RCHY1: variants seen among roughly 807,000 people sequenced by gnomAD.
The protein encoded by RCHY1 is RING finger and CHY zinc finger domain-containing protein 1.
Under a neutral mutation model 41.6 loss-of-function variants are expected in RCHY1, and 21 were observed. The observed-to-expected ratio is 0.51, with a 90% CI of 0.36 to 0.73. The LOEUF is 0.73. Among genes scored for constraint, RCHY1 ranks in the 30% least tolerant of loss-of-function variants. RCHY1 has a pLI of 0.00. For missense variants in RCHY1, 265 were observed against 325.3 expected, an observed-to-expected ratio of 0.81 and a Z score of 1.43; for synonymous variants, 79 against 102.9, an observed-to-expected ratio of 0.77 and a Z score of 1.41.
chr4:75,482,688 TTAAG>T (rs1338772514), intron 8 of RCHY1, 22 bp from the exon 9 acceptor site: 7 of 1,560,934 alleles, frequency 4.5e-6, no homozygotes, highest in African/African-American at 1.4e-5. Context: ...TTAATTCAAA[TTAAG>T]TATTTTAAAC....
In RCHY1 at chr4:75,481,398, T is replaced by C. The variant is rs900226593; in HGVS notation, c.*1140A>G. 6.6e-6 allele frequency: 1 copy of C among 152,210 alleles called. No homozygotes were observed. The highest frequency in any genetic ancestry group is 1.5e-5 in the Non-Finnish European group (1 of 68,036). The allele number at this position is 152,210 out of a possible 1,614,324, so 9.4% of individuals were successfully genotyped here. On this transcript the variant is annotated 3_prime_UTR_variant, in exon 9 of 9. Coordinates refer to ENST00000324439, the MANE Select transcript of RCHY1 (RefSeq NM_015436.4). ...CCTAATGGTAAAGCTATTACGGAGATAACAGTGTCAAAGTCGGCTGGATCA... is the reference window on the plus strand; with the variant it reads ...CCTAATGGTAAAGCTATTACGGAGACAACAGTGTCAAAGTCGGCTGGATCA...
intron 3 of RCHY1, among the ~76,000 whole-genome samples, chr4:75,507,087 A>G (rs545806041): frequency 6.6e-6 from 1 of 152,100 alleles, no homozygotes; most frequent in Non-Finnish European, 1.5e-5. Context: ...AGACAAAAAA[A>G]ACTGAGAGAA....
rs1578199174 is a variant in RCHY1 at position 75,482,239 on chromosome 4, A to C, written c.*299T>G. The C allele has an allele frequency of 1.1e-5, 2 of 187,696 alleles. No homozygotes were observed. Among genetic ancestry groups the C allele is most frequent in the East Asian group, 2.6e-4 (2 of 7,826 alleles). 11.6% of individuals were successfully genotyped at this position (187,696 alleles called of 1,614,324 possible). A position where few individuals can be genotyped will look rare whatever the true frequency, so the allele number is the denominator to read the frequency against. The stretch of plus-strand genomic sequence containing the variant: ...TGTCACTTAAAGCAAAGCTTCATGA[A>C]AATATAATACACTTCTATGAATGTA... On this transcript the variant is annotated 3_prime_UTR_variant, in exon 9 of 9. Transcript: ENST00000324439.
rs11422865 is a variant in RCHY1, at chr4:75,490,493, AT to A, written c.657+87del. ...ATCTGTGTCAAACCAGTATATATAT[AT>A]TTTTTTTTTGGCAAATTCAAGCAGG... On this transcript the variant is annotated intron_variant, in intron 8 of 8. Coordinates refer to ENST00000324439, the MANE Select transcript of RCHY1 (RefSeq NM_015436.4). The A allele has an allele frequency of 6.3e-3, 5,249 of 830,478 alleles. 2 individuals are homozygous for A. Among genetic ancestry groups the A allele is most frequent in the South Asian group, 7.8e-3 (381 of 48,726 alleles). 51.4% of individuals were successfully genotyped at this position (830,478 alleles called of 1,614,324 possible).
rs1721392240 is a variant in RCHY1 at position 75,479,927 on chromosome 4, G to C, written c.*2611C>G. 6.6e-6 allele frequency: 1 copy of C among 152,094 alleles called. No homozygotes were observed. The highest frequency in any genetic ancestry group is 2.4e-5 in the African/African-American group (1 of 41,404). 9.4% of individuals were successfully genotyped at this position (152,094 alleles called of 1,614,324 possible). On this transcript the variant is annotated 3_prime_UTR_variant, in exon 9 of 9. Transcript: ENST00000324439. The stretch of plus-strand genomic sequence containing the variant: ...GTAGTTCTCTCTGAAAGAAGGGATT[G>C]TTGAGAGTTTTTTACCTTCTTTCTT...
At chr4:75,496,861 G>T (rs925573669) in intron 3 of RCHY1, among the ~76,000 whole-genome samples, 1 of 151,976 alleles carries the variant, frequency 6.6e-6, no homozygotes, top group African/African-American at 2.4e-5. Flanking sequence ...CAAAGAGGCA[G>T]AAAAACACAA....
intron 8 of RCHY1, 144 bp from the exon 9 acceptor site, chr4:75,482,810 T>A (rs928186133): frequency 1.9e-6 from 1 of 525,316 alleles, no homozygotes; most frequent in Non-Finnish European, 2.9e-6. Flanking sequence ...AAATTTCTTC[T>A]TATTTTTTCA....
chr4:75,487,078 AT>A (rs1280344672), intron 8 of RCHY1, among the ~76,000 whole-genome samples: 37 of 152,282 alleles, frequency 2.4e-4, no homozygotes, highest in African/African-American at 8.2e-4. Flanking sequence ...AAAAGAAAGA[AT>A]TTTAAAAGTT....
rs116406288 is a variant in RCHY1 at position 75,503,058 on chromosome 4, C to T, written c.326+5762G>A. ...ACCATTCTAGACTGAAGGTTCTCCACCTAGGCAATATTTACATTTTGAACC... is the reference window on the plus strand; with the variant it reads ...ACCATTCTAGACTGAAGGTTCTCCATCTAGGCAATATTTACATTTTGAACC... On this transcript the variant is annotated intron_variant, in intron 3 of 8. Transcript: ENST00000324439. 3.9e-3 allele frequency among the ~76,000 whole-genome samples: 599 copies of T among 152,186 alleles called. 8 individuals are homozygous for T. The highest frequency in any genetic ancestry group is 5.8e-3 in the Non-Finnish European group (391 of 67,986).
intron 3 of RCHY1, among the ~76,000 whole-genome samples, chr4:75,495,877 A>C (rs1176885782): frequency 6.6e-6 from 1 of 152,042 alleles, no homozygotes; most frequent in Non-Finnish European, 1.5e-5. Context: ...CCATAAATTC[A>C]TATGTATAAA....
intron 8 of RCHY1, among the ~76,000 whole-genome samples, chr4:75,485,418 A>C (rs566927233): frequency 6.6e-6 from 1 of 152,336 alleles, no homozygotes; most frequent in East Asian, 1.9e-4. Context: ...ATTTATATCT[A>C]TAAAGGAAAT....
chr4:75,487,680 A>AATATATATTC (rs1722274624), intron 8 of RCHY1, among the ~76,000 whole-genome samples: 3 of 42,686 alleles, frequency 7.0e-5, no homozygotes, highest in African/African-American at 3.3e-4. Flanking sequence ...ATATATTCAT[A>AATATATATTC]ATATATATAT....
At chr4:75,496,263 T>G (rs973401935) in intron 3 of RCHY1, among the ~76,000 whole-genome samples, 2 of 152,048 alleles carry the variant, frequency 1.3e-5, no homozygotes, top group African/African-American at 4.8e-5. Flanking sequence ...AGAAACAAAG[T>G]AAGTGAGCCC....
intron 1 of RCHY1, chr4:75,509,532 A>G: frequency 2.6e-6 from 1 of 390,102 alleles, no homozygotes; most frequent in Non-Finnish European, 4.7e-6. Context: ...CTTTAAAACA[A>G]AAGAATTATG....
At chr4:75,494,922 C>T (rs1319147761) in intron 3 of RCHY1, among the ~76,000 whole-genome samples, 1 of 151,894 alleles carries the variant, frequency 6.6e-6, no homozygotes, top group African/African-American at 2.4e-5. Context: ...GAGACAGGGA[C>T]TGTACATTAA....
intron 8 of RCHY1, among the ~76,000 whole-genome samples, chr4:75,483,120 G>A (rs1243656517): frequency 6.6e-6 from 1 of 151,976 alleles, no homozygotes; most frequent in African/African-American, 2.4e-5. Flanking sequence ...TGTCTTCTCT[G>A]CCTTAGGAAT....
At chr4:75,511,875 G>A (rs953093644) in intron 1 of RCHY1, among the ~76,000 whole-genome samples, 4 of 151,206 alleles carry the variant, frequency 2.6e-5, no homozygotes, top group Non-Finnish European at 5.9e-5. Context: ...CAGAGCCCCT[G>A]AAAGGACTTC....
chr4:75,493,632 A>G (rs1722939399), intron 4 of RCHY1, among the ~76,000 whole-genome samples: 1 of 152,022 alleles, frequency 6.6e-6, no homozygotes, highest in South Asian at 2.1e-4. Flanking sequence ...ATACTTTATT[A>G]GATTTTTTTT....
intron 8 of RCHY1, among the ~76,000 whole-genome samples, chr4:75,484,240 T>TCAC (rs376922873): frequency 6.6e-6 from 1 of 152,330 alleles, no homozygotes; most frequent in East Asian, 1.9e-4. Context: ...TGTCCACTGC[T>TCAC]CTCTTGCAGC....
Sources: allele counts gnomAD v4.1 joint callset (sites outside exome capture counted in the v4.1 genomes callset), GRCh38; gene constraint gnomAD v4.1.1; transcripts MANE v1.5; gene names NCBI Gene and HGNC (gene_info 2026-07-23, HGNC 2026-07-21).